LMNB1: variants seen among roughly 807,000 people sequenced by gnomAD.
The protein encoded by LMNB1 is lamin-B1.
Under a neutral mutation model 67.1 loss-of-function variants are expected in LMNB1, and 23 were observed. The observed-to-expected ratio is 0.34, with a 90% CI of 0.25 to 0.49. The LOEUF (loss-of-function observed/expected upper bound fraction) is 0.49, where lower values mean the gene tolerates loss of function less well. Among genes scored for constraint, LMNB1 ranks in the 20% least tolerant of loss-of-function variants. LMNB1 has a pLI of 0.99. For missense variants in LMNB1, 634 were observed against 746.5 expected (o/e 0.85, Z 1.76); for synonymous variants, 281 against 282.9 (o/e 0.99, Z 0.07).
intron 9 of LMNB1, among the ~76,000 whole-genome samples, chr5:126,828,058 A>G (rs1014821677): frequency 6.6e-6 from 1 of 152,214 alleles, no homozygotes; most frequent in Admixed American, 6.5e-5. Flanking sequence ...AAAAAATCAG[A>G]CATGGACCTT....
chr5:126,804,732 C>G, intron 1 of LMNB1, 44 bp from the exon 2 acceptor site: 1 of 1,573,250 alleles, frequency 6.4e-7, no homozygotes, highest in Non-Finnish European at 8.7e-7. Context: ...GACCTCAAGT[C>G]ATCAGTATGG....
At chr5:126,834,756 G>C (rs1274429706) in intron 10 of LMNB1, among the ~76,000 whole-genome samples, 1 of 152,106 alleles carries the variant, frequency 6.6e-6, no homozygotes, top group Non-Finnish European at 1.5e-5. Context: ...GGAGCCTGTA[G>C]TCCCAGCTAC....
At chr5:126,791,476 T>A (rs78234347) in intron 1 of LMNB1, among the ~76,000 whole-genome samples, 1 of 152,056 alleles carries the variant, frequency 6.6e-6, no homozygotes, top group Non-Finnish European at 1.5e-5. Context: ...CTCTTTTTTT[T>A]AAAGATAGGG....
intron 1 of LMNB1, among the ~76,000 whole-genome samples, chr5:126,800,910 C>T (rs1359043120): frequency 7.5e-6 from 1 of 134,046 alleles, no homozygotes; most frequent in Admixed American, 8.1e-5. Context: ...CCTCGGCCTC[C>T]CAAAGTGCTG....
Position 126,779,859 on chromosome 5 carries a change from C to T in LMNB1, c.359+1992C>T, listed in dbSNP as rs113104722. Reference sequence around the variant, plus strand: ...CATCCTGGCTAACAAGGTGAAACCCCGTCTCTACTAAAAATACAAAAAATT... The same window carrying T: ...CATCCTGGCTAACAAGGTGAAACCCTGTCTCTACTAAAAATACAAAAAATT... On this transcript the variant is annotated intron_variant, in intron 1 of 10. Coordinates refer to ENST00000261366, the MANE Select transcript of LMNB1 (RefSeq NM_005573.4). Among the ~76,000 whole-genome samples, 306 of 152,286 alleles carry T rather than the reference C, an allele frequency of 2.0e-3. 3 individuals are homozygous for T. Among genetic ancestry groups the T allele is most frequent in the Non-Finnish European group, 2.4e-3 (166 of 68,020 alleles).
At chr5:126,806,059 G>A (rs1580540297) in intron 3 of LMNB1, among the ~76,000 whole-genome samples, 1 of 152,168 alleles carries the variant, frequency 6.6e-6, no homozygotes, top group East Asian at 1.9e-4. Flanking sequence ...GGTTCAAGCA[G>A]TTCTCCTGCC....
intron 1 of LMNB1, among the ~76,000 whole-genome samples, chr5:126,791,703 G>C (rs990612430): frequency 2.0e-5 from 3 of 151,968 alleles, no homozygotes; most frequent in East Asian, 3.8e-4. Context: ...CTGAGCTCAA[G>C]TGGTCCTTCT....
rs575662572 is a variant in LMNB1, at chr5:126,810,312, C to T, written c.775C>T (p.Leu259=). The T allele has an allele frequency of 2.0e-5, 33 of 1,613,050 alleles. No homozygotes were observed. Among genetic ancestry groups the T allele is most frequent in the Non-Finnish European group, 2.8e-5 (33 of 1,179,278 alleles). The change falls in exon 4 of 11, where the codon CTG becomes TTG. Residue 259 remains leucine, a synonymous_variant. Transcript: ENST00000261366. ...MREQHDAQVR[L]YKEELEQTYH... The stretch of plus-strand genomic sequence containing the variant: ...AGAGCAACATGATGCCCAAGTGAGG[C>T]TGTATAAGGAGGAGCTGGAGCAGAC...
In LMNB1 at chr5:126,822,978, G is replaced by T. The variant is rs897881612; in HGVS notation, c.1491+93G>T. On this transcript the variant is annotated intron_variant, in intron 8 of 10. Transcript: ENST00000261366. ...TTTTGGCTAAAAGAGAAGCATTTTA[G>T]AAATGGCCGTTAAAGTACTTTTTAT... 11 of 749,382 alleles carry T rather than the reference G, an allele frequency of 1.5e-5. No individual in the cohort carries two copies. The African/African-American group carries it at 1.8e-4, about 12-fold the overall frequency. 46.4% of individuals were successfully genotyped at this position (749,382 alleles called of 1,614,324 possible).
chr5:126,788,118 G>A (rs1405821610), intron 1 of LMNB1, among the ~76,000 whole-genome samples: 1 of 152,072 alleles, frequency 6.6e-6, no homozygotes, highest in Non-Finnish European at 1.5e-5. Flanking sequence ...AAGAGTCTAG[G>A]GTGACTGCTT....
At chr5:126,836,141 G>A in intron 10 of LMNB1, 82 bp from the exon 11 acceptor site, 3 of 976,564 alleles carry the variant, frequency 3.1e-6, no homozygotes, top group Admixed American at 1.8e-5. Flanking sequence ...TGGTATCCCT[G>A]TAGTTAAAAG....
At chr5:126,805,796 C>A in intron 3 of LMNB1, 100 bp downstream of exon 3, 3 of 930,350 alleles carry the variant, frequency 3.2e-6, no homozygotes, top group South Asian at 2.4e-5. Context: ...GATTTCTTTG[C>A]CACAAAAATA....
intron 6 of LMNB1, among the ~76,000 whole-genome samples, chr5:126,820,122 A>G (rs1751824924): frequency 6.6e-6 from 1 of 152,224 alleles, no homozygotes; most frequent in Non-Finnish European, 1.5e-5. Context: ...AGCCTGGGTG[A>G]CAAGAGTGAA....
intron 1 of LMNB1, among the ~76,000 whole-genome samples, chr5:126,780,029 T>C (rs551299436): frequency 2.0e-4 from 29 of 148,534 alleles, no homozygotes; most frequent in Non-Finnish European, 4.2e-4. Flanking sequence ...AGACCCCATC[T>C]CAAAAAAGAA....
intron 6 of LMNB1, 103 bp downstream of exon 6, chr5:126,819,245 T>A: frequency 1.3e-6 from 1 of 765,260 alleles, no homozygotes; most frequent in South Asian, 1.9e-5. Flanking sequence ...CTTTATTTTC[T>A]TGGTCATTTC....
At chr5:126,795,983 A>AGT (rs1751081093) in intron 1 of LMNB1, among the ~76,000 whole-genome samples, 1 of 107,700 alleles carries the variant, frequency 9.3e-6, no homozygotes, top group Non-Finnish European at 1.8e-5. Context: ...CCCAGGTGGG[A>AGT]GTGCAATGGT....
chr5:126,815,940 C>T (rs1268998742), intron 5 of LMNB1, among the ~76,000 whole-genome samples: 1 of 152,130 alleles, frequency 6.6e-6, no homozygotes, highest in Non-Finnish European at 1.5e-5. Context: ...CAAACAGAGA[C>T]ATCATTGGGT....
chr5:126,795,933 C>CTTTTTT (rs70997314), intron 1 of LMNB1, among the ~76,000 whole-genome samples: 14,329 of 81,360 alleles, frequency 0.18, 2,507 homozygotes, highest in East Asian at 0.26. Context: ...GCCCAGGATG[C>CTTTTTT]TTTTTTTTTT....
In LMNB1 at chr5:126,832,681, C is replaced by A; in HGVS notation, c.1612-13C>A. ...TAAGTGTGTTTTTTAACTTAAACTA[C>A]TATTGTTTTTAGGAGGTTGCTCAAA... On this transcript the variant is annotated splice_polypyrimidine_tract_variant and intron_variant, in intron 9 of 10. Transcript: ENST00000261366. 6.4e-7 allele frequency: 1 copy of A among 1,574,166 alleles called. No individual in the cohort carries two copies. The highest frequency in any genetic ancestry group is 8.7e-7 in the Non-Finnish European group (1 of 1,144,950).
Sources: gnomAD v4.1 joint callset for allele counts (sites outside exome capture counted in the v4.1 genomes callset) on GRCh38, gnomAD v4.1.1 for gene constraint, MANE v1.5 for transcripts, NCBI Gene and HGNC (gene_info 2026-07-23, HGNC 2026-07-21) for gene names.